The following MSI2 variants were observed in gnomAD, a reference collection of about 807,000 sequenced individuals.
MSI2 encodes musashi RNA binding protein 2.
A neutral mutation model predicts 45.6 loss-of-function variants in MSI2; 17 were observed. The observed-to-expected ratio is 0.37, with a 90% CI of 0.26 to 0.56. The LOEUF (loss-of-function observed/expected upper bound fraction) is 0.56, where lower values mean the gene tolerates loss of function less well. MSI2 is among the 20% of genes least tolerant of loss of function. The probability of loss-of-function intolerance (pLI) is 0.77; values close to 1 mark genes in which losing one functional copy is unlikely to be tolerated. For synonymous variants in MSI2, 156 were observed against 158.2 expected (o/e 0.99, Z 0.11); for missense variants, 293 against 444.2 (o/e 0.66, Z 3.06).
chr17:57,444,686 G>C (rs1449773129), intron 6 of MSI2: 1 of 152,218 alleles, frequency 6.6e-6, no homozygotes, highest in Non-Finnish European at 1.5e-5. Context: ...CTGTTTTGTT[G>C]CTGGAGAACT....
At chr17:57,542,304 C>T (rs1488160623) in intron 7 of MSI2, among the ~76,000 whole-genome samples, 1 of 152,198 alleles carries the variant, frequency 6.6e-6, no homozygotes, top group East Asian at 1.9e-4. Context: ...CATCTCTTCC[C>T]TTACGTTCTT....
intron 6 of MSI2, among the ~76,000 whole-genome samples, chr17:57,473,872 T>C (rs185474305): frequency 1.1e-3 from 168 of 152,306 alleles, no homozygotes; most frequent in African/African-American, 4.0e-3. Context: ...CCTGAGATGG[T>C]CTGCAGCCTT....
chr17:57,295,811 G>C (rs947816108), intron 5 of MSI2, among the ~76,000 whole-genome samples: 1 of 152,114 alleles, frequency 6.6e-6, no homozygotes, highest in African/African-American at 2.4e-5. Flanking sequence ...CATTTCCTCA[G>C]CGAAAAGAAG....
chr17:57,385,821 C>T (rs906868912), intron 5 of MSI2, among the ~76,000 whole-genome samples: 3 of 152,234 alleles, frequency 2.0e-5, no homozygotes, highest in Admixed American at 6.5e-5. Context: ...AAATTACCCT[C>T]AAATTTAGCA....
chr17:57,298,089 A>G (rs1405321066), intron 5 of MSI2, among the ~76,000 whole-genome samples: 1 of 151,136 alleles, frequency 6.6e-6, no homozygotes, highest in Non-Finnish European at 1.5e-5. Context: ...TTTTAATGGC[A>G]TCTAGAGTGG....
chr17:57,650,573 TG>T (rs577505395), intron 10 of MSI2, among the ~76,000 whole-genome samples: 30 of 152,180 alleles, frequency 2.0e-4, no homozygotes, highest in Non-Finnish European at 3.7e-4. Flanking sequence ...ATGGTCTCCA[TG>T]GGAGCTTGGA....
chr17:57,565,267 A>C (rs2087700587), intron 7 of MSI2, among the ~76,000 whole-genome samples: 1 of 152,002 alleles, frequency 6.6e-6, no homozygotes, highest in Admixed American at 6.5e-5. Flanking sequence ...TGGATTTCCC[A>C]TTTTTCTGTA....
intron 5 of MSI2, among the ~76,000 whole-genome samples, chr17:57,367,619 T>C (rs1308078208): frequency 6.6e-6 from 1 of 152,148 alleles, no homozygotes. Context: ...GGCCCCTCCC[T>C]GGAGGCTTAT....
chr17:57,620,965 C>G (rs1908234257), intron 9 of MSI2, among the ~76,000 whole-genome samples: 3 of 152,244 alleles, frequency 2.0e-5, no homozygotes, highest in Admixed American at 2.0e-4. Context: ...TGGGAACTCC[C>G]TGGGCTGCCC....
intron 11 of MSI2, among the ~76,000 whole-genome samples, chr17:57,672,803 GT>G (rs1160958687): frequency 1.3e-5 from 2 of 152,168 alleles, no homozygotes; most frequent in Non-Finnish European, 2.9e-5. Flanking sequence ...GAAAAAAAGT[GT>G]GTTAGACTAA....
chr17:57,380,635 C>T (rs1199669808), intron 5 of MSI2, among the ~76,000 whole-genome samples: 2 of 152,144 alleles, frequency 1.3e-5, no homozygotes, highest in African/African-American at 4.8e-5. Context: ...CAGCCCCCTA[C>T]CCCCAAACAA....
intron 6 of MSI2, among the ~76,000 whole-genome samples, chr17:57,453,339 C>T (rs937379283): frequency 6.6e-6 from 1 of 152,118 alleles, no homozygotes; most frequent in Admixed American, 6.6e-5. Context: ...CACTTCCCTG[C>T]AATGCTGCTG....
intron 10 of MSI2, among the ~76,000 whole-genome samples, chr17:57,637,038 C>T: frequency 6.6e-6 from 1 of 152,234 alleles, no homozygotes; most frequent in East Asian, 1.9e-4. Flanking sequence ...ATCACCAGCC[C>T]TCTAATCTGA....
chr17:57,373,716 C>T (rs1409532797), intron 5 of MSI2, among the ~76,000 whole-genome samples: 1 of 152,202 alleles, frequency 6.6e-6, no homozygotes, highest in African/African-American at 2.4e-5. Flanking sequence ...AGAACCACAG[C>T]CGCACTGTCC....
At chr17:57,592,042 T>A (rs1237601770) in intron 7 of MSI2, among the ~76,000 whole-genome samples, 2 of 151,498 alleles carry the variant, frequency 1.3e-5, no homozygotes, top group Non-Finnish European at 2.9e-5. Context: ...TGCGGTGGCG[T>A]GTACCTGTAG....
chr17:57,425,099 G>A (rs965999285), intron 6 of MSI2, among the ~76,000 whole-genome samples: 18 of 152,128 alleles, frequency 1.2e-4, no homozygotes, highest in African/African-American at 2.9e-4. Flanking sequence ...CCAGGGTGGC[G>A]GAGTGCACTA....
intron 9 of MSI2, among the ~76,000 whole-genome samples, chr17:57,623,557 G>T (rs1054973932): frequency 1.3e-5 from 2 of 152,226 alleles, no homozygotes; most frequent in Non-Finnish European, 1.5e-5. Flanking sequence ...CGATCTGCAA[G>T]AGAGGTGGTC....
intron 7 of MSI2, among the ~76,000 whole-genome samples, chr17:57,583,490 T>TTTTTTTTTTC (rs1567916055): frequency 1.9e-4 from 2 of 10,348 alleles, no homozygotes; most frequent in African/African-American, 5.3e-4. Flanking sequence ...CAATGTTTCT[T>TTTTTTTTTTC]TTTTTTTTTT....
chr17:57,287,658 G>T (rs1339817348), intron 5 of MSI2, among the ~76,000 whole-genome samples: 1 of 152,168 alleles, frequency 6.6e-6, no homozygotes, highest in Non-Finnish European at 1.5e-5. Context: ...CCTACGTGGG[G>T]CATTGGAAAG....
Sources: gnomAD v4.1 joint callset for allele counts (sites outside exome capture counted in the v4.1 genomes callset) on GRCh38, gnomAD v4.1.1 for gene constraint, MANE v1.5 for transcripts, NCBI Gene and HGNC (gene_info 2026-07-23, HGNC 2026-07-21) for gene names.